ANAPC10: variants seen among roughly 807,000 people sequenced by gnomAD.
ANAPC10 encodes anaphase promoting complex subunit 10, also known as anaphase-promoting complex subunit 10.
In ANAPC10, 12 loss-of-function variants were observed where a neutral mutation model predicts 22.0. The ratio of observed to expected loss-of-function variants is 0.55; its 90% CI spans 0.35 to 0.88. The LOEUF is 0.88. Among genes scored for constraint, ANAPC10 ranks in the 40% least tolerant of loss-of-function variants. The pLI, the probability that ANAPC10 is intolerant of heterozygous loss-of-function variation, is 0.01. For synonymous variants in ANAPC10, 65 were observed against 69.5 expected, an observed-to-expected ratio of 0.94 and a Z score of 0.32; for missense variants, 188 against 220.9, an observed-to-expected ratio of 0.85 and a Z score of 0.94.
intron 4 of ANAPC10, among the ~76,000 whole-genome samples, chr4:145,007,294 T>C (rs887511624): frequency 1.3e-5 from 2 of 152,102 alleles, no homozygotes; most frequent in Non-Finnish European, 2.9e-5. Context: ...GCAGACCTAA[T>C]AGACATCCAT....
At chr4:145,085,647 T>C (rs1746778340) in intron 2 of ANAPC10, among the ~76,000 whole-genome samples, 1 of 152,188 alleles carries the variant, frequency 6.6e-6, no homozygotes, top group South Asian at 2.1e-4. Context: ...CTCTAATTTA[T>C]TGCTTAGAAA....
intron 4 of ANAPC10, among the ~76,000 whole-genome samples, chr4:145,020,207 C>T (rs1181861592): frequency 6.6e-6 from 1 of 152,104 alleles, no homozygotes; most frequent in African/African-American, 2.4e-5. Flanking sequence ...CTAACTGAAT[C>T]CAACAACATA....
At chr4:145,078,850 C>A (rs933049828) in intron 3 of ANAPC10, among the ~76,000 whole-genome samples, 2 of 152,098 alleles carry the variant, frequency 1.3e-5, no homozygotes, top group Non-Finnish European at 2.9e-5. Flanking sequence ...TCAGACCCCT[C>A]CCTTTCACCA....
chr4:145,023,199 G>A (rs1474217149), intron 4 of ANAPC10, among the ~76,000 whole-genome samples: 2 of 152,012 alleles, frequency 1.3e-5, no homozygotes, highest in Non-Finnish European at 2.9e-5. Context: ...TGCACAATAT[G>A]ATTCCATCTA....
intron 4 of ANAPC10, among the ~76,000 whole-genome samples, chr4:145,016,615 A>C (rs1267888271): frequency 6.6e-6 from 1 of 152,240 alleles, no homozygotes; most frequent in African/African-American, 2.4e-5. Flanking sequence ...AATTGGAAAA[A>C]ACTACTTTAA....
intron 4 of ANAPC10, 27 bp downstream of exon 4, chr4:145,064,545 A>C: frequency 1.3e-6 from 2 of 1,577,650 alleles, no homozygotes; most frequent in Non-Finnish European, 1.7e-6. Flanking sequence ...AAAGGATGAC[A>C]TATTTTTAAA....
intron 1 of ANAPC10, chr4:145,097,484 G>A: frequency 2.3e-6 from 3 of 1,287,180 alleles, no homozygotes; most frequent in Non-Finnish European, 3.0e-6. Flanking sequence ...AGGTGCAATA[G>A]TTCTGCATAC....
intron 4 of ANAPC10, among the ~76,000 whole-genome samples, chr4:145,022,770 G>A (rs1168131833): frequency 7.2e-6 from 1 of 138,264 alleles, no homozygotes; most frequent in Non-Finnish European, 1.5e-5. Context: ...TCATAGGCAA[G>A]TTTAACTTTA....
chr4:145,060,574 A>C (rs1742735073), intron 4 of ANAPC10, among the ~76,000 whole-genome samples: 1 of 151,638 alleles, frequency 6.6e-6, no homozygotes, highest in African/African-American at 2.4e-5. Flanking sequence ...CATAATTTCT[A>C]GTGAAAAAAA....
chr4:145,081,596 A>G, intron 3 of ANAPC10, 64 bp downstream of exon 3: 1 of 1,030,324 alleles, frequency 9.7e-7, no homozygotes, highest in Non-Finnish European at 1.4e-6. Flanking sequence ...TTTTTATGTT[A>G]ATAAAATAGA....
intron 4 of ANAPC10, among the ~76,000 whole-genome samples, chr4:145,017,121 G>A (rs1413561300): frequency 6.6e-6 from 1 of 152,146 alleles, no homozygotes; most frequent in Non-Finnish European, 1.5e-5. Flanking sequence ...ATTGACAAAT[G>A]GGATCTAATT....
chr4:144,998,495 A>T (rs1438140838), intron 4 of ANAPC10, among the ~76,000 whole-genome samples: 3 of 152,204 alleles, frequency 2.0e-5, no homozygotes, highest in Non-Finnish European at 2.9e-5. Flanking sequence ...ATGGAAACTG[A>T]ACAACCTGCT....
At chr4:145,071,882 G>A (rs1287033509) in intron 3 of ANAPC10, among the ~76,000 whole-genome samples, 1 of 152,086 alleles carries the variant, frequency 6.6e-6, no homozygotes, top group East Asian at 1.9e-4. Flanking sequence ...GCCAAGTACA[G>A]AGAACATCAA....
intron 4 of ANAPC10, among the ~76,000 whole-genome samples, chr4:145,037,490 C>T (rs539205263): frequency 6.6e-6 from 1 of 151,980 alleles, no homozygotes; most frequent in Non-Finnish European, 1.5e-5. Context: ...GTAAACGTGT[C>T]AGAAATATAT....
chr4:145,013,709 A>C (rs188461730), intron 4 of ANAPC10, among the ~76,000 whole-genome samples: 1 of 152,052 alleles, frequency 6.6e-6, no homozygotes, highest in Non-Finnish European at 1.5e-5. Context: ...AGACCCTCTG[A>C]AAAAAGCGGT....
chr4:144,999,106 A>T (rs937260749), intron 4 of ANAPC10, among the ~76,000 whole-genome samples: 1 of 152,218 alleles, frequency 6.6e-6, no homozygotes, highest in African/African-American at 2.4e-5. Context: ...ACAGGCTCTG[A>T]AATTGAGGCA....
chr4:145,068,703 A>G (rs1466579924), intron 3 of ANAPC10, among the ~76,000 whole-genome samples: 17 of 152,160 alleles, frequency 1.1e-4, no homozygotes, highest in Admixed American at 7.9e-4. Context: ...CAAGGCCAAG[A>G]GATCGAGACC....
At chr4:145,061,003 A>G (rs1742809511) in intron 4 of ANAPC10, among the ~76,000 whole-genome samples, 1 of 152,090 alleles carries the variant, frequency 6.6e-6, no homozygotes, top group Non-Finnish European at 1.5e-5. Context: ...TAACAATTTA[A>G]AGCAACATCC....
chr4:145,080,825 T>G (rs934388290), intron 3 of ANAPC10, among the ~76,000 whole-genome samples: 7 of 149,314 alleles, frequency 4.7e-5, no homozygotes, highest in Non-Finnish European at 1.0e-4. Context: ...GAGAATCGCT[T>G]GAACCTGGGA....
Sources: gnomAD v4.1 joint callset for allele counts (sites outside exome capture counted in the v4.1 genomes callset) on GRCh38, gnomAD v4.1.1 for gene constraint, MANE v1.5 for transcripts, NCBI Gene and HGNC (gene_info 2026-07-23, HGNC 2026-07-21) for gene names.